PRSS23: variants seen among roughly 807,000 people sequenced by gnomAD.
The protein encoded by PRSS23 is protease, serine 23.
In PRSS23, 25 loss-of-function variants were observed where a neutral mutation model predicts 34.7. The ratio of observed to expected loss-of-function variants is 0.72; its 90% CI spans 0.53 to 1.01. The LOEUF is 1.01. PRSS23 is among the 50% of genes least tolerant of loss of function. The probability of loss-of-function intolerance (pLI) is 0.00; values close to 1 mark genes in which losing one functional copy is unlikely to be tolerated. For missense variants in PRSS23, 445 were observed against 475.6 expected, an observed-to-expected ratio of 0.94 and a Z score of 0.60; for synonymous variants, 176 against 186.6, an observed-to-expected ratio of 0.94 and a Z score of 0.46.
chr11:86,832,315 T>C (rs1363289912), intron 2 of PRSS23, among the ~76,000 whole-genome samples: 1 of 152,146 alleles, frequency 6.6e-6, no homozygotes, highest in African/African-American at 2.4e-5. Context: ...GGGATATTTT[T>C]CACAATATTT....
At chr11:86,869,999 T>C (rs1434460233) in intron 2 of PRSS23, among the ~76,000 whole-genome samples, 4 of 152,218 alleles carry the variant, frequency 2.6e-5, no homozygotes, top group Non-Finnish European at 5.9e-5. Flanking sequence ...CTGGTGCAGA[T>C]ACAAGTTCTC....
At chr11:86,796,857 A>G (rs1261619658), upstream of PRSS23, among the ~76,000 whole-genome samples, 1 of 152,188 alleles carries the variant, frequency 6.6e-6, no homozygotes, top group African/African-American at 2.4e-5. Context: ...CCAGATTTTT[A>G]TGCTTTGAGC....
chr11:86,822,533 A>C (rs1161284610), intron 1 of PRSS23, among the ~76,000 whole-genome samples: 1 of 150,780 alleles, frequency 6.6e-6, no homozygotes, highest in Non-Finnish European at 1.5e-5. Context: ...AGGTGGGAGG[A>C]TAGCTTGAGC....
intron 2 of PRSS23, among the ~76,000 whole-genome samples, chr11:86,870,107 T>C (rs1948674931): frequency 6.6e-6 from 1 of 152,170 alleles, no homozygotes; most frequent in Admixed American, 6.5e-5. Context: ...GATCTTTTTT[T>C]CCCCAAATCG....
chr11:86,919,076 C>T (rs564768307), intron 2 of PRSS23, among the ~76,000 whole-genome samples: 4 of 152,200 alleles, frequency 2.6e-5, no homozygotes, highest in South Asian at 2.1e-4. Context: ...TCCAGACATC[C>T]GCAAAAATGC....
chr11:86,853,900 T>C (rs1948549695), intron 2 of PRSS23, among the ~76,000 whole-genome samples: 1 of 152,246 alleles, frequency 6.6e-6, no homozygotes, highest in African/African-American at 2.4e-5. Flanking sequence ...TGTTTGTTTA[T>C]CATATCCATC....
At chr11:86,792,903 C>G (rs1328074327) in intron 1 of PRSS23, among the ~76,000 whole-genome samples, 7 of 152,182 alleles carry the variant, frequency 4.6e-5, no homozygotes, top group Non-Finnish European at 1.5e-5. Flanking sequence ...GACAGGGTCT[C>G]ACTTTGTCAC....
At chr11:86,863,384 A>G (rs1948628781) in intron 2 of PRSS23, among the ~76,000 whole-genome samples, 1 of 150,104 alleles carries the variant, frequency 6.7e-6, no homozygotes, top group African/African-American at 2.4e-5. Flanking sequence ...TTCAGCTTTA[A>G]ACATTCTAGT....
At position 86,829,784 on chromosome 11, in the gene PRSS23, C is replaced by T. The variant is rs754922211; in HGVS notation, c.206+6191C>T. Among the ~76,000 whole-genome samples the T allele has an allele frequency of 1.4e-4, 22 of 152,298 alleles. No homozygotes were observed. The East Asian group carries it at 2.5e-3, about 17-fold the overall frequency. ...ACCCTGTTTGCCTGGGTACCAGCAGCGGTGGCTGCAGAACAGGGGATTTTC... is the reference window on the plus strand; with the variant it reads ...ACCCTGTTTGCCTGGGTACCAGCAGTGGTGGCTGCAGAACAGGGGATTTTC... On this transcript the variant is annotated intron_variant, in intron 2 of 2. Coordinates refer to the PRSS23 transcript ENST00000533902.
chr11:86,850,988 T>C (rs1159148388), intron 2 of PRSS23, among the ~76,000 whole-genome samples: 3 of 152,204 alleles, frequency 2.0e-5, no homozygotes, highest in African/African-American at 7.2e-5. Context: ...TTCCACACTG[T>C]GGAAACTTTG....
rs55884309 is a variant in PRSS23 at position 86,824,005 on chromosome 11, CAAAAAAAAAAAA to C, written c.206+427_206+438del. On this transcript the variant is annotated intron_variant, in intron 2 of 2. Coordinates refer to the PRSS23 transcript ENST00000533902. ...TGGGCGACAGAGCGAGACTCCGTCT[CAAAAAAAAAAAA>C]AAAAAAAAAAAAAAGAATTCAGAGC... 1.1e-3 allele frequency among the ~76,000 whole-genome samples: 34 copies of C among 30,514 alleles called. 1 individual carries two copies. In the East Asian group the frequency reaches 0.027, roughly 24 times the overall value. 20.0% of individuals were successfully genotyped at this position (30,514 alleles called of 152,430 possible).
chr11:86,834,290 G>A (rs1313812049), intron 2 of PRSS23, among the ~76,000 whole-genome samples: 2 of 152,142 alleles, frequency 1.3e-5, no homozygotes, highest in East Asian at 1.9e-4. Context: ...GTTAGCTGCA[G>A]GCAAAAGTAT....
intron 2 of PRSS23, among the ~76,000 whole-genome samples, chr11:86,900,866 C>T (rs545403650): frequency 3.6e-5 from 5 of 140,038 alleles, no homozygotes; most frequent in African/African-American, 1.1e-4. Context: ...CTCACTGCAA[C>T]CTCTGCCTCC....
intron 2 of PRSS23, among the ~76,000 whole-genome samples, chr11:86,920,350 A>G (rs1036414305): frequency 2.0e-5 from 3 of 152,234 alleles, no homozygotes; most frequent in Non-Finnish European, 2.9e-5. Context: ...AGTTCTGAGC[A>G]CCTACCTGTG....
intron 2 of PRSS23, among the ~76,000 whole-genome samples, chr11:86,832,019 A>G (rs1050141523): frequency 2.0e-5 from 3 of 151,792 alleles, no homozygotes; most frequent in African/African-American, 4.8e-5. Context: ...CTCCCGTGAT[A>G]TTACTCATAA....
At chr11:86,844,449 T>C (rs2555537) in intron 2 of PRSS23, among the ~76,000 whole-genome samples, 63,427 of 151,930 alleles carry the variant, frequency 0.42, 13,539 homozygotes, top group East Asian at 0.48. Context: ...CATCACTTAC[T>C]ACACCAATGT....
intron 2 of PRSS23, among the ~76,000 whole-genome samples, chr11:86,931,324 T>A (rs371835364): frequency 7.9e-5 from 12 of 152,114 alleles, no homozygotes; most frequent in Non-Finnish European, 1.5e-4. Flanking sequence ...GCAAAAATGA[T>A]GAAGAAAAAA....
At chr11:86,828,682 C>T (rs1355006164) in intron 2 of PRSS23, among the ~76,000 whole-genome samples, 2 of 152,114 alleles carry the variant, frequency 1.3e-5, no homozygotes, top group Non-Finnish European at 2.9e-5. Context: ...TCTTTTAGGG[C>T]AGGCTTGGTG....
chr11:86,800,590 C>T lies in PRSS23; in HGVS notation c.-75C>T. 3.0e-6 allele frequency: 3 copies of T among 985,034 alleles called. No homozygotes were observed. The highest frequency in any genetic ancestry group is 3.6e-6 in the Non-Finnish European group (3 of 829,814). 61.0% of individuals were successfully genotyped at this position (985,034 alleles called of 1,614,324 possible). A position where few individuals can be genotyped will look rare whatever the true frequency, so the allele number is the denominator to read the frequency against. On this transcript the variant is annotated 5_prime_UTR_variant, in exon 1 of 2. Transcript: ENST00000280258. The stretch of plus-strand genomic sequence containing the variant: ...GGCATGGGAGCCGCGCGCTCTCTCC[C>T]GGCGCCCACACCTGTCTGAGCGGCG...
Sources: allele counts gnomAD v4.1 joint callset (sites outside exome capture counted in the v4.1 genomes callset), GRCh38; gene constraint gnomAD v4.1.1; transcripts MANE v1.5; gene names NCBI Gene and HGNC (gene_info 2026-07-23, HGNC 2026-07-21).